KCNH1: variants seen among roughly 807,000 people sequenced by gnomAD.
KCNH1 encodes voltage-gated delayed rectifier potassium channel KCNH1.
In KCNH1, 27 loss-of-function variants were observed where a neutral mutation model predicts 69.2. The observed-to-expected ratio is 0.39, with a 90% CI of 0.29 to 0.54. The LOEUF is 0.54. KCNH1 is among the 20% of genes least tolerant of loss of function. The probability of loss-of-function intolerance (pLI) is 0.68; values close to 1 mark genes in which losing one functional copy is unlikely to be tolerated. For synonymous variants in KCNH1, 456 were observed against 487.7 expected (o/e 0.93, Z 0.86); for missense variants, 798 against 1,261.6 (o/e 0.63, Z 5.57).
intron 6 of KCNH1, among the ~76,000 whole-genome samples, chr1:210,953,713 T>A (rs1688107026): frequency 6.6e-6 from 1 of 152,160 alleles, no homozygotes; most frequent in African/African-American, 2.4e-5. Context: ...GGCTTTCCAG[T>A]GCCTACGAGT....
intron 6 of KCNH1, among the ~76,000 whole-genome samples, chr1:211,000,413 A>G (rs1467015694): frequency 1.3e-5 from 2 of 152,206 alleles, no homozygotes; most frequent in Admixed American, 6.5e-5. Flanking sequence ...CCCATTCACA[A>G]TTGCTTCAAA....
intron 10 of KCNH1, among the ~76,000 whole-genome samples, chr1:210,727,620 G>A (rs971924791): frequency 1.1e-4 from 16 of 147,584 alleles, no homozygotes; most frequent in Admixed American, 3.4e-4. Flanking sequence ...TCTGCCATTA[G>A]ATACACAAAA....
intron 5 of KCNH1, among the ~76,000 whole-genome samples, chr1:211,034,826 A>T (rs1689864392): frequency 6.6e-6 from 1 of 152,186 alleles, no homozygotes; most frequent in African/African-American, 2.4e-5. Context: ...ACTCAAAAGA[A>T]TCCACAGTAA....
chr1:210,735,359 ATGTC>A (rs1435576043), intron 10 of KCNH1, among the ~76,000 whole-genome samples: 2 of 151,500 alleles, frequency 1.3e-5, no homozygotes, highest in African/African-American at 4.9e-5. Flanking sequence ...TCATCTCTGT[ATGTC>A]TTTTTACATT....
chr1:210,965,190 G>A (rs985276236), intron 6 of KCNH1, among the ~76,000 whole-genome samples: 20 of 152,022 alleles, frequency 1.3e-4, no homozygotes, highest in East Asian at 5.8e-4. Context: ...AAACCAGCAC[G>A]AGACAAGGAT....
rs142114750 is a variant in KCNH1, at chr1:210,750,069, C to T, written c.2112+25279G>A. Reference sequence around the variant, plus strand: ...GCTGCTTGCTATCTTACTGCAGGCACGTGGGCTGAAATGTGGGCAGCAGAA... The same window carrying T: ...GCTGCTTGCTATCTTACTGCAGGCATGTGGGCTGAAATGTGGGCAGCAGAA... On this transcript the variant is annotated intron_variant, in intron 10 of 10. Transcript: ENST00000271751. Among the ~76,000 whole-genome samples, 15 of 152,196 alleles carry T rather than the reference C, an allele frequency of 9.9e-5. No homozygotes were observed. The East Asian group carries it at 2.3e-3, about 24-fold the overall frequency.
intron 6 of KCNH1, among the ~76,000 whole-genome samples, chr1:211,003,790 T>C (rs1243890168): frequency 6.6e-6 from 1 of 152,164 alleles, no homozygotes; most frequent in Non-Finnish European, 1.5e-5. Flanking sequence ...TGGAAAAATA[T>C]ATTCAAATTA....
intron 7 of KCNH1, among the ~76,000 whole-genome samples, chr1:210,910,267 C>T (rs1434106498): frequency 4.9e-4 from 51 of 104,568 alleles, no homozygotes; most frequent in African/African-American, 1.9e-3. Context: ...CAGAGGTGGT[C>T]ATCAAGCACC....
intron 10 of KCNH1, among the ~76,000 whole-genome samples, chr1:210,768,100 T>A (rs953477752): frequency 6.6e-6 from 1 of 152,204 alleles, no homozygotes; most frequent in African/African-American, 2.4e-5. Context: ...GATGTTAAAA[T>A]TCAGTCCATC....
chr1:210,760,534 T>C (rs1274057857), intron 10 of KCNH1, among the ~76,000 whole-genome samples: 1 of 152,148 alleles, frequency 6.6e-6, no homozygotes, highest in Non-Finnish European at 1.5e-5. Context: ...AAAAAATGCT[T>C]AAAGGAGTCC....
intron 7 of KCNH1, among the ~76,000 whole-genome samples, chr1:210,863,684 A>C (rs970721384): frequency 1.4e-4 from 22 of 152,144 alleles, no homozygotes; most frequent in African/African-American, 5.3e-4. Context: ...CACAGCTCTT[A>C]TTAGGAAATC....
At chr1:211,095,108 C>T (rs893961257) in intron 3 of KCNH1, among the ~76,000 whole-genome samples, 5 of 152,170 alleles carry the variant, frequency 3.3e-5, no homozygotes, top group Admixed American at 3.3e-4. Context: ...AATTCTGCAG[C>T]AGGATCCATT....
intron 6 of KCNH1, among the ~76,000 whole-genome samples, chr1:210,981,380 A>AG (rs1558552043): frequency 3.3e-5 from 5 of 151,134 alleles, no homozygotes; most frequent in Admixed American, 2.6e-4. Flanking sequence ...GACAAAAAAA[A>AG]AAAAAAAAAA....
intron 10 of KCNH1, among the ~76,000 whole-genome samples, chr1:210,767,437 G>A (rs1683659100): frequency 6.6e-6 from 1 of 152,164 alleles, no homozygotes; most frequent in South Asian, 2.1e-4. Context: ...GCTTCTTGAT[G>A]TTTCAGAGGC....
intron 10 of KCNH1, among the ~76,000 whole-genome samples, chr1:210,700,785 G>T (rs114122761): frequency 0.039 from 5,954 of 152,188 alleles, 188 homozygotes; most frequent in Middle Eastern, 0.065. Flanking sequence ...GCCAGGGTTG[G>T]CTCAGGTTAT....
chr1:211,128,064 G>A (rs1233584113), intron 1 of KCNH1, among the ~76,000 whole-genome samples: 3 of 152,114 alleles, frequency 2.0e-5, no homozygotes, highest in Admixed American at 6.5e-5. Flanking sequence ...GCCAAGGCGG[G>A]CGGATCACAA....
intron 10 of KCNH1, among the ~76,000 whole-genome samples, chr1:210,705,353 G>A (rs1164827691): frequency 1.3e-5 from 2 of 152,146 alleles, no homozygotes; most frequent in African/African-American, 4.8e-5. Context: ...TCCTCCCTGG[G>A]GGTTTAACAT....
At chr1:211,107,158 T>A in intron 2 of KCNH1, 96 bp downstream of exon 2, 1 of 1,362,002 alleles carries the variant, frequency 7.3e-7, no homozygotes, top group East Asian at 2.3e-5. Context: ...ACACACTAAA[T>A]GAGGTAAAGG....
chr1:210,759,011 C>T (rs1259853993), intron 10 of KCNH1, among the ~76,000 whole-genome samples: 1 of 152,090 alleles, frequency 6.6e-6, no homozygotes, highest in African/African-American at 2.4e-5. Context: ...TATGTGCAAA[C>T]ATGGAACTCA....
Sources: gnomAD v4.1 joint callset for allele counts (sites outside exome capture counted in the v4.1 genomes callset) on GRCh38, gnomAD v4.1.1 for gene constraint, MANE v1.5 for transcripts, NCBI Gene and HGNC (gene_info 2026-07-23, HGNC 2026-07-21) for gene names.